Variants in EXT1 observed in about 807,000 individuals in gnomAD.
EXT1 encodes the protein exostosin-1.
EXT1 carries 20 observed loss-of-function variants against 82.5 expected under a neutral mutation model. That is an observed-to-expected ratio of 0.24 (90% CI 0.17 to 0.35). EXT1 has a LOEUF of 0.35. EXT1 is among the 10% of genes least tolerant of loss of function. The probability of loss-of-function intolerance (pLI) is 1.00; values close to 1 mark genes in which losing one functional copy is unlikely to be tolerated. For synonymous variants in EXT1, 348 were observed against 350.8 expected (o/e 0.99, Z 0.09); for missense variants, 757 against 936.5 (o/e 0.81, Z 2.50).
intron 1 of EXT1, among the ~76,000 whole-genome samples, chr8:117,838,839 GA>G (rs1385973167): frequency 6.6e-6 from 1 of 151,822 alleles, no homozygotes; most frequent in African/African-American, 2.4e-5. Flanking sequence ...TTTTAATACA[GA>G]AAGGTCGAAT....
chr8:117,914,910 G>A (rs1415224296), intron 1 of EXT1, among the ~76,000 whole-genome samples: 1 of 152,148 alleles, frequency 6.6e-6, no homozygotes, highest in Non-Finnish European at 1.5e-5. Context: ...TCCCTCAGAA[G>A]CATGTGATCT....
intron 6 of EXT1, among the ~76,000 whole-genome samples, chr8:117,819,388 A>T (rs1369710665): frequency 1.3e-5 from 2 of 152,144 alleles, no homozygotes; most frequent in Admixed American, 1.3e-4. Flanking sequence ...ATGTGCTTGT[A>T]TCTTCTTTAG....
At chr8:118,099,502 A>G (rs1817678163) in intron 1 of EXT1, among the ~76,000 whole-genome samples, 1 of 152,206 alleles carries the variant, frequency 6.6e-6, no homozygotes, top group Non-Finnish European at 1.5e-5. Flanking sequence ...AATCAATCAT[A>G]CTATTGTTTG....
chr8:117,854,225 G>A (rs1240218441), intron 1 of EXT1, among the ~76,000 whole-genome samples: 1 of 152,228 alleles, frequency 6.6e-6, no homozygotes, highest in Admixed American at 6.5e-5. Context: ...CAAAGGAAAA[G>A]CCACAACTGG....
chr8:117,867,289 T>C (rs1812791783), intron 1 of EXT1, among the ~76,000 whole-genome samples: 2 of 128,444 alleles, frequency 1.6e-5, no homozygotes, highest in Non-Finnish European at 3.4e-5. Flanking sequence ...AGGAAATTTA[T>C]AGCCCAGGAA....
intron 1 of EXT1, among the ~76,000 whole-genome samples, chr8:117,946,038 T>C (rs940335209): frequency 2.0e-5 from 3 of 152,154 alleles, no homozygotes; most frequent in Non-Finnish European, 4.4e-5. Context: ...GAGCTGGGAT[T>C]ATAGGCGCGT....
At chr8:117,856,508 C>T (rs113605877) in intron 1 of EXT1, among the ~76,000 whole-genome samples, 95 of 149,864 alleles carry the variant, frequency 6.3e-4, no homozygotes, top group South Asian at 2.1e-3. Flanking sequence ...CCTCATGATC[C>T]GCCCACCTCG....
intron 1 of EXT1, among the ~76,000 whole-genome samples, chr8:118,091,818 T>G (rs1248490316): frequency 6.6e-6 from 1 of 152,168 alleles, no homozygotes; most frequent in African/African-American, 2.4e-5. Flanking sequence ...CTAAACTTAC[T>G]TTTTCTATTC....
At chr8:117,977,428 A>C (rs1230872337) in intron 1 of EXT1, among the ~76,000 whole-genome samples, 1 of 150,842 alleles carries the variant, frequency 6.6e-6, no homozygotes. Flanking sequence ...CCAAGGGCCC[A>C]CTCAGCAGAG....
intron 1 of EXT1, among the ~76,000 whole-genome samples, chr8:117,978,056 A>G (rs1815106168): frequency 1.3e-5 from 2 of 152,234 alleles, no homozygotes; most frequent in African/African-American, 4.8e-5. Flanking sequence ...AAAAGTATCT[A>G]TTTGAAAGAA....
chr8:117,977,985 G>T (rs1815104713), intron 1 of EXT1, among the ~76,000 whole-genome samples: 1 of 152,188 alleles, frequency 6.6e-6, no homozygotes, highest in African/African-American at 2.4e-5. Flanking sequence ...TCAAAGAAAA[G>T]AATTCCTGAC....
intron 1 of EXT1, among the ~76,000 whole-genome samples, chr8:118,030,197 T>C (rs1011602369): frequency 1.4e-4 from 21 of 151,732 alleles, no homozygotes; most frequent in African/African-American, 5.1e-4. Context: ...AGAGGTGATT[T>C]TGTGAGAAGG....
intron 1 of EXT1, among the ~76,000 whole-genome samples, chr8:117,855,642 A>C (rs867972978): frequency 6.6e-6 from 1 of 152,172 alleles, no homozygotes; most frequent in Non-Finnish European, 1.5e-5. Flanking sequence ...CAAGTGTGCA[A>C]GTGAAAGGAA....
At chr8:118,059,593 G>C (rs139162535) in intron 1 of EXT1, among the ~76,000 whole-genome samples, 2 of 152,246 alleles carry the variant, frequency 1.3e-5, no homozygotes, top group African/African-American at 4.8e-5. Context: ...AGAGGCAGCA[G>C]CAGCTTTTGG....
intron 1 of EXT1, among the ~76,000 whole-genome samples, chr8:118,079,516 G>A (rs955102993): frequency 6.6e-6 from 1 of 152,202 alleles, no homozygotes; most frequent in African/African-American, 2.4e-5. Context: ...TAAGGCCAGA[G>A]TGGCCAGGCA....
At chr8:118,075,053 G>C (rs192390480) in intron 1 of EXT1, among the ~76,000 whole-genome samples, 73 of 152,246 alleles carry the variant, frequency 4.8e-4, no homozygotes, top group African/African-American at 1.7e-3. Context: ...CCCACACTCC[G>C]AACAGGCATT....
chr8:118,077,605 A>G (rs1265054932), intron 1 of EXT1, among the ~76,000 whole-genome samples: 2 of 152,194 alleles, frequency 1.3e-5, no homozygotes, highest in African/African-American at 4.8e-5. Context: ...AGAAATAAGG[A>G]AACCAAACAG....
At chr8:118,051,458 G>A (rs141596971) in intron 1 of EXT1, among the ~76,000 whole-genome samples, 1 of 152,236 alleles carries the variant, frequency 6.6e-6, no homozygotes. Flanking sequence ...TGCATCCTGT[G>A]CCTTTCAGTT....
rs780640885 is a variant in EXT1, at chr8:117,799,847, C to T, written c.2106G>A (p.Gln702=). ...AGCTGGCAAACGTATTCATGCAGCT[C>T]TGTCGCTGGGCAAAGTGGTCAGGGT... ...WADPDHFAQR[Q]SCMNTFASWF... is the part of the protein sequence containing the mutation. Residue 702 remains glutamine, a synonymous_variant, in exon 11 of 11, where the codon CAG becomes CAA. Transcript: ENST00000378204. 17 of 1,614,182 alleles carry T rather than the reference C, an allele frequency of 1.1e-5. 1 individual carries two copies. The South Asian group carries it at 1.8e-4, about 17-fold the overall frequency.
Sources: allele counts gnomAD v4.1 joint callset (sites outside exome capture counted in the v4.1 genomes callset), GRCh38; gene constraint gnomAD v4.1.1; transcripts MANE v1.5; gene names NCBI Gene and HGNC (gene_info 2026-07-23, HGNC 2026-07-21).